The following PTTG1IP2 variants were observed in gnomAD, a reference collection of about 807,000 sequenced individuals.
PTTG1IP2 encodes PTTG1IP family member 2.
At chr7:90,473,960 G>A (rs553124107) in intron 1 of PTTG1IP2, among the ~76,000 whole-genome samples, 1 of 152,210 alleles carries the variant, frequency 6.6e-6, no homozygotes. Flanking sequence ...ACATTTTCTA[G>A]TACATGGTAA....
At chr7:90,507,008 T>C (rs970179751) in intron 6 of PTTG1IP2, among the ~76,000 whole-genome samples, 1 of 152,228 alleles carries the variant, frequency 6.6e-6, no homozygotes, top group Non-Finnish European at 1.5e-5. Context: ...GGTCACTCGA[T>C]ATATTCCTGA....
intron 6 of PTTG1IP2, among the ~76,000 whole-genome samples, chr7:90,501,661 C>T (rs1798062992): frequency 6.6e-6 from 1 of 152,146 alleles, no homozygotes; most frequent in African/African-American, 2.4e-5. Context: ...AGAGTGAGAC[C>T]TTGTCTCAAG....
At chr7:90,475,509 C>T (rs970012238) in intron 1 of PTTG1IP2, among the ~76,000 whole-genome samples, 10 of 152,046 alleles carry the variant, frequency 6.6e-5, no homozygotes, top group African/African-American at 1.9e-4. Flanking sequence ...TTAGCAAACT[C>T]AATAATTGAG....
intron 6 of PTTG1IP2, among the ~76,000 whole-genome samples, chr7:90,506,932 T>C (rs1053513491): frequency 6.6e-6 from 1 of 152,340 alleles, no homozygotes; most frequent in South Asian, 2.1e-4. Flanking sequence ...TTTTTACTGA[T>C]CTTCTAGAGG....
intron 3 of PTTG1IP2, among the ~76,000 whole-genome samples, chr7:90,487,698 G>A (rs1797892249): frequency 6.6e-6 from 1 of 152,124 alleles, no homozygotes; most frequent in Non-Finnish European, 1.5e-5. Context: ...GTTGTTTGCA[G>A]CAATTATTCA....
chr7:90,488,387 A>C (rs1234065626), intron 3 of PTTG1IP2, among the ~76,000 whole-genome samples: 1 of 152,022 alleles, frequency 6.6e-6, no homozygotes, highest in African/African-American at 2.4e-5. Context: ...AATAAACTAC[A>C]TTGTGCTTAC....
intron 3 of PTTG1IP2, 74 bp downstream of exon 3, chr7:90,487,494 T>C (rs1048398809): frequency 6.6e-6 from 1 of 152,638 alleles, no homozygotes; most frequent in African/African-American, 2.4e-5. Context: ...TTGCTACATT[T>C]GAAGGATTAT....
intron 1 of PTTG1IP2, among the ~76,000 whole-genome samples, chr7:90,473,098 T>TA (rs1238745972): frequency 6.6e-6 from 1 of 152,068 alleles, no homozygotes; most frequent in African/African-American, 2.4e-5. Flanking sequence ...TCCCAAACAG[T>TA]AGGTAATAGT....
At chr7:90,474,671 G>A (rs1285960950) in intron 1 of PTTG1IP2, among the ~76,000 whole-genome samples, 1 of 152,120 alleles carries the variant, frequency 6.6e-6, no homozygotes, top group Non-Finnish European at 1.5e-5. Context: ...TTATTGGCCT[G>A]GAAGGGCAGG....
chr7:90,487,298 C>G (rs539634722), intron 2 of PTTG1IP2, 29 bp from the exon 3 acceptor site: 2 of 152,484 alleles, frequency 1.3e-5, no homozygotes, highest in East Asian at 3.9e-4. Flanking sequence ...ACTTGGACAC[C>G]ACTTTTATTT....
Position 90,487,438 on chromosome 7 carries a change from A to C in PTTG1IP2, c.286+18A>C. 6.6e-6 allele frequency: 1 copy of C among 152,618 alleles called. No individual in the cohort carries two copies. The highest frequency in any genetic ancestry group is 1.9e-4 in the East Asian group (1 of 5,206). The allele number at this position is 152,618 out of a possible 1,614,324, so 9.5% of individuals were successfully genotyped here. A position where few individuals can be genotyped will look rare whatever the true frequency, so the allele number is the denominator to read the frequency against. On this transcript the variant is annotated intron_variant, in intron 3 of 6. Coordinates refer to ENST00000509356, the MANE Select transcript of PTTG1IP2 (RefSeq NM_001365443.2). ...CTGTAAAGGTGAGTTGTCCTTATTT[A>C]GATTTTTATGTTCTTTATTTCAATT...
chr7:90,506,893 A>G (rs1798130242), intron 6 of PTTG1IP2, among the ~76,000 whole-genome samples: 1 of 151,982 alleles, frequency 6.6e-6, no homozygotes, highest in Non-Finnish European at 1.5e-5. Flanking sequence ...ATTCTGTATC[A>G]GTAACTACTT....
At chr7:90,476,897 A>G (rs1414293914) in intron 1 of PTTG1IP2, among the ~76,000 whole-genome samples, 1 of 152,074 alleles carries the variant, frequency 6.6e-6, no homozygotes, top group Non-Finnish European at 1.5e-5. Context: ...CGGATAAACT[A>G]TATTTTTATA....
rs549391778 is a variant in PTTG1IP2, at chr7:90,510,911, C to T, written c.*51-2367C>T. ...GTGGTGCTTAAAAACTTGGAAAATA[C>T]CACTGTAATTAAATATCTATTGGAG... On this transcript the variant is annotated intron_variant, in intron 6 of 6. Coordinates refer to ENST00000509356, the MANE Select transcript of PTTG1IP2 (RefSeq NM_001365443.2). Among the ~76,000 whole-genome samples, 4 of 152,236 alleles carry T rather than the reference C, an allele frequency of 2.6e-5. No individual in the cohort carries two copies. The South Asian group carries it at 8.3e-4, about 32-fold the overall frequency.
At chr7:90,482,975 A>G (rs1315852869) in intron 2 of PTTG1IP2, among the ~76,000 whole-genome samples, 2 of 152,248 alleles carry the variant, frequency 1.3e-5, no homozygotes, top group Admixed American at 6.5e-5. Context: ...TGTAAAATGC[A>G]TTTATAAATG....
chr7:90,501,587 T>C (rs1357803029), intron 6 of PTTG1IP2, among the ~76,000 whole-genome samples: 5 of 152,190 alleles, frequency 3.3e-5, no homozygotes, highest in Non-Finnish European at 5.9e-5. Flanking sequence ...AGAGGATCAC[T>C]TGAGCCCAGG....
chr7:90,513,302 CT>C lies in PTTG1IP2; in HGVS notation c.*77del, dbSNP rs1282742560. ...GGCTTCCTTCAGGATTTTAATCATC[CT>C]TACAGCCTCTTTGAGAATGATTGAA... On this transcript the variant is annotated 3_prime_UTR_variant, in exon 7 of 7. Transcript: ENST00000509356. 3.9e-5 allele frequency: 6 copies of C among 152,672 alleles called. No homozygotes were observed. Among genetic ancestry groups the C allele is most frequent in the Non-Finnish European group, 7.4e-5 (5 of 68,014 alleles). The allele number at this position is 152,672 out of a possible 1,614,324, so 9.5% of individuals were successfully genotyped here. A position where few individuals can be genotyped will look rare whatever the true frequency, so the allele number is the denominator to read the frequency against.
At chr7:90,476,017 A>T (rs1351269840) in intron 1 of PTTG1IP2, among the ~76,000 whole-genome samples, 1 of 152,170 alleles carries the variant, frequency 6.6e-6, no homozygotes. Context: ...AGAACATATT[A>T]ACAGACTAAG....
chr7:90,484,309 A>G (rs1188571709), intron 2 of PTTG1IP2, among the ~76,000 whole-genome samples: 3 of 152,202 alleles, frequency 2.0e-5, no homozygotes, highest in Middle Eastern at 6.8e-3. Flanking sequence ...ACCACTAAAA[A>G]TTATTATGTA....
Sources: gnomAD v4.1 joint callset for allele counts (sites outside exome capture counted in the v4.1 genomes callset) on GRCh38, gnomAD v4.1.1 for gene constraint, MANE v1.5 for transcripts, NCBI Gene and HGNC (gene_info 2026-07-23, HGNC 2026-07-21) for gene names.